Variants in EML1 observed in about 807,000 individuals in gnomAD.
The protein encoded by EML1 is EMAP like 1.
A neutral mutation model predicts 110.4 loss-of-function variants in EML1; 27 were observed. That is an observed-to-expected ratio of 0.24 (90% CI 0.18 to 0.34). The LOEUF is 0.34. EML1 is among the 10% of genes least tolerant of loss of function. The pLI is 1.00. For synonymous variants in EML1, 344 were observed against 385.8 expected (o/e 0.89, Z 1.27); for missense variants, 741 against 1,030.9 (o/e 0.72, Z 3.85).
At chr14:99,853,889 T>C (rs2058855796) in intron 2 of EML1, among the ~76,000 whole-genome samples, 1 of 152,230 alleles carries the variant, frequency 6.6e-6, no homozygotes, top group Non-Finnish European at 1.5e-5. Flanking sequence ...CAGGCCGGTT[T>C]TGAACTCCTG....
intron 9 of EML1, 92 bp from the exon 10 acceptor site, chr14:99,907,546 T>G: frequency 8.9e-7 from 1 of 1,126,200 alleles, no homozygotes; most frequent in Non-Finnish European, 1.3e-6. Flanking sequence ...AGCAGACTCT[T>G]TATTAAAAAT....
At chr14:99,785,575 C>T (rs1459430720) in intron 1 of EML1, among the ~76,000 whole-genome samples, 2 of 152,106 alleles carry the variant, frequency 1.3e-5, no homozygotes, top group Non-Finnish European at 1.5e-5. Flanking sequence ...TTCCAAAAAG[C>T]AGAAAAAGTT....
At chr14:99,766,849 T>A (rs2140195496) in intron 1 of EML1, among the ~76,000 whole-genome samples, 1 of 152,274 alleles carries the variant, frequency 6.6e-6, no homozygotes, top group East Asian at 1.9e-4. Flanking sequence ...AAGAAAAATG[T>A]TTGCATGGAG....
intron 1 of EML1, among the ~76,000 whole-genome samples, chr14:99,752,797 C>T (rs1469883707): frequency 6.6e-6 from 1 of 152,098 alleles, no homozygotes; most frequent in African/African-American, 2.4e-5. Flanking sequence ...GGAGGAAGCA[C>T]AGGGGGCCTG....
At chr14:99,761,900 G>A (rs1205247895) in intron 1 of EML1, among the ~76,000 whole-genome samples, 1 of 146,530 alleles carries the variant, frequency 6.8e-6, no homozygotes, top group East Asian at 2.1e-4. Flanking sequence ...ACTCCAGCCT[G>A]GGTGACAGAG....
chr14:99,750,343 G>T (rs1186030356), intron 1 of EML1, among the ~76,000 whole-genome samples: 1 of 152,240 alleles, frequency 6.6e-6, no homozygotes, highest in African/African-American at 2.4e-5. Flanking sequence ...GAGAGGTGCT[G>T]GCAGCACATG....
At position 99,940,115 on chromosome 14, in the gene EML1, C is replaced by A; in HGVS notation, c.*3C>A. The A allele has an allele frequency of 6.4e-7, 1 of 1,559,440 alleles. No homozygotes were observed. The highest frequency in any genetic ancestry group is 8.7e-7 in the Non-Finnish European group (1 of 1,153,310). Reference sequence around the variant, plus strand: ...TCATGCAGTGGCGCGTCATTTAGTACCCACCGAGAGCTGTGGGGAGCAGCA... The same window carrying A: ...TCATGCAGTGGCGCGTCATTTAGTAACCACCGAGAGCTGTGGGGAGCAGCA... On this transcript the variant is annotated 3_prime_UTR_variant, in exon 22 of 22. Coordinates refer to ENST00000262233, the MANE Select transcript of EML1 (RefSeq NM_004434.3).
At chr14:99,879,033 G>A (rs1223470092) in intron 4 of EML1, among the ~76,000 whole-genome samples, 2 of 152,144 alleles carry the variant, frequency 1.3e-5, no homozygotes, top group Non-Finnish European at 2.9e-5. Flanking sequence ...GAGACACAGT[G>A]GCTGAAAAGT....
intron 1 of EML1, among the ~76,000 whole-genome samples, chr14:99,826,284 T>C (rs369207650): frequency 2.0e-5 from 3 of 152,040 alleles, no homozygotes; most frequent in East Asian, 3.9e-4. Flanking sequence ...TGCTAATTTT[T>C]GTATTTTTAG....
At chr14:99,738,049 C>T (rs2056990496) in intron 1 of EML1, among the ~76,000 whole-genome samples, 1 of 152,206 alleles carries the variant, frequency 6.6e-6, no homozygotes, top group Non-Finnish European at 1.5e-5. Flanking sequence ...TGGGTTCCGC[C>T]ACACCCCCTG....
At position 99,784,524 on chromosome 14, in the gene EML1, G is replaced by A. The variant is rs1007552779; in HGVS notation, c.-27+10511G>A. The stretch of plus-strand genomic sequence containing the variant: ...AATACTTTTGGGTAAATAGCCTACT[G>A]GGTTTCTTAGATAATAGAGTTGTCA... On this transcript the variant is annotated intron_variant, in intron 1 of 22. Transcript: ENST00000327921. This position sits in a 1 kb window ranked among gnomAD's most constrained non-coding sequence, Gnocchi z 4.5. Among the ~76,000 whole-genome samples the A allele has an allele frequency of 2.0e-5, 3 of 152,238 alleles. No individual in the cohort carries two copies. Among genetic ancestry groups the A allele is most frequent in the Admixed American group, 1.3e-4 (2 of 15,284 alleles).
intron 3 of EML1, among the ~76,000 whole-genome samples, chr14:99,874,175 G>A (rs978025029): frequency 1.3e-5 from 2 of 152,098 alleles, no homozygotes; most frequent in African/African-American, 4.8e-5. Context: ...TTTTCTTATG[G>A]TCACCAGTCT....
chr14:99,748,833 CA>C (rs1362336635), intron 1 of EML1, among the ~76,000 whole-genome samples: 3 of 152,196 alleles, frequency 2.0e-5, no homozygotes, highest in Non-Finnish European at 4.4e-5. Flanking sequence ...TTCCTCCCCA[CA>C]GCCCTTGGCA....
intron 12 of EML1, 93 bp from the exon 13 acceptor site, chr14:99,911,329 T>C: frequency 5.0e-6 from 7 of 1,412,864 alleles, no homozygotes; most frequent in Non-Finnish European, 5.7e-6. Flanking sequence ...ACGGACAATA[T>C]TGCGTTTTAA....
chr14:99,829,147 C>A (rs974134619), intron 1 of EML1, among the ~76,000 whole-genome samples: 1 of 152,070 alleles, frequency 6.6e-6, no homozygotes, highest in African/African-American at 2.4e-5. Flanking sequence ...CAGACTGGGC[C>A]CTTCTTTGGG....
At chr14:99,859,627 C>T (rs2058966449) in intron 2 of EML1, among the ~76,000 whole-genome samples, 1 of 152,146 alleles carries the variant, frequency 6.6e-6, no homozygotes, top group Non-Finnish European at 1.5e-5. Context: ...GAATCCCAGG[C>T]CTGAGTTCCT....
intron 4 of EML1, among the ~76,000 whole-genome samples, chr14:99,889,450 C>T (rs2059548249): frequency 6.6e-6 from 1 of 152,180 alleles, no homozygotes. Context: ...ATCCCTGCCC[C>T]TGTGGAATTG....
chr14:99,856,545 T>A (rs1248353657), intron 2 of EML1, among the ~76,000 whole-genome samples: 1 of 152,204 alleles, frequency 6.6e-6, no homozygotes, highest in East Asian at 1.9e-4. Flanking sequence ...TGGCTTTTGC[T>A]TTTTCTCTTG....
At chr14:99,777,400 CCTTT>C (rs768985603) in intron 1 of EML1, among the ~76,000 whole-genome samples, 1 of 152,064 alleles carries the variant, frequency 6.6e-6, no homozygotes, top group Non-Finnish European at 1.5e-5. Context: ...TATGTCTTTA[CCTTT>C]CTTTCTTTTT....
Sources: gnomAD v4.1 joint callset for allele counts (sites outside exome capture counted in the v4.1 genomes callset) on GRCh38, gnomAD v4.1.1 for gene constraint, Gnocchi (gnomAD v3.1) non-coding constraint, MANE v1.5 for transcripts, NCBI Gene and HGNC (gene_info 2026-07-23, HGNC 2026-07-21) for gene names.